The following CASS4 variants were observed in gnomAD, a reference collection of about 807,000 sequenced individuals.
CASS4 encodes Cas scaffold protein family member 4.
Under a neutral mutation model 54.2 loss-of-function variants are expected in CASS4, and 22 were observed. That is an observed-to-expected ratio of 0.41 (90% CI 0.29 to 0.58). The LOEUF (loss-of-function observed/expected upper bound fraction) is 0.58. CASS4 is among the 20% of genes least tolerant of loss of function. The pLI, the probability that CASS4 is intolerant of heterozygous loss-of-function variation, is 0.36. For missense variants in CASS4, 854 were observed against 986.7 expected (o/e 0.87, Z 1.80); for synonymous variants, 409 against 391.5 (o/e 1.04, Z -0.53).
Position 56,451,850 on chromosome 20 carries a change from C to T in CASS4, c.674C>T (p.Thr225Ile). 2 of 1,613,664 alleles carry T rather than the reference C, an allele frequency of 1.2e-6. No individual in the cohort carries two copies. The highest frequency in any genetic ancestry group is 1.7e-6 in the Non-Finnish European group (2 of 1,179,646). ...GQGVPLISVT[T>I]LRRGGYSTLP... ...GGTGTTCCCCTGATATCAGTGACTA[C>T]CTTAAGAAGAGGCGGTTACAGCACA... Residue 225 changes from threonine (T) to isoleucine (I), a missense_variant, in exon 5 of 6, where the codon ACC (threonine) becomes ATC (isoleucine). By Grantham distance (89) the Thr-to-Ile change is moderately conservative. Transcript: ENST00000679887.
chr20:56,443,207 C>A (rs745667936), intron 2 of CASS4, among the ~76,000 whole-genome samples: 1 of 150,958 alleles, frequency 6.6e-6, no homozygotes, highest in East Asian at 1.9e-4. Context: ...TCTGGCCTGG[C>A]GCGGTGGCTC....
chr20:56,445,463 C>CCAGCCT (rs1980659466), intron 2 of CASS4, among the ~76,000 whole-genome samples: 2 of 152,224 alleles, frequency 1.3e-5, no homozygotes, highest in Non-Finnish European at 2.9e-5. Context: ...GTGCACTTCT[C>CCAGCCT]CAGCCTCAGC....
At chr20:56,421,226 C>T (rs76219345) in intron 1 of CASS4, among the ~76,000 whole-genome samples, 1 of 152,194 alleles carries the variant, frequency 6.6e-6, no homozygotes, top group African/African-American at 2.4e-5. Context: ...ACTGGTGTAT[C>T]TTGATTTGCA....
At chr20:56,458,313 A>G (rs1270356699) in intron 5 of CASS4, 27 bp from the exon 6 acceptor site, 2 of 1,584,058 alleles carry the variant, frequency 1.3e-6, no homozygotes, top group African/African-American at 2.7e-5. Context: ...TGAATCTCCT[A>G]TCTATTTTCT....
intron 3 of CASS4, among the ~76,000 whole-genome samples, chr20:56,446,525 G>A (rs895786433): frequency 7.2e-5 from 11 of 152,086 alleles, no homozygotes; most frequent in Admixed American, 5.2e-4. Context: ...TTATCTCTGG[G>A]GGAAGAAATT....
Position 56,458,486 on chromosome 20 carries a change from G to T in CASS4, c.2100G>T (p.Ala700=). Residue 700 remains alanine (A), a synonymous_variant, in exon 6 of 6, where the codon GCG becomes GCT. Coordinates refer to ENST00000679887, the MANE Select transcript of CASS4 (RefSeq NM_020356.4). The stretch of plus-strand genomic sequence containing the variant: ...GCAGCCTCAGCAGCAGCCAGCCCGC[G>T]GAGATCATCACTCAGAGCAAGCTGG... ...FHGSLSSSQP[A]EIITQSKLVI... 2 of 1,614,134 alleles carry T rather than the reference G, an allele frequency of 1.2e-6. No individual in the cohort carries two copies. The highest frequency in any genetic ancestry group is 2.2e-5 in the South Asian group (2 of 91,084).
At chr20:56,446,299 C>A (rs1980710492) in intron 3 of CASS4, among the ~76,000 whole-genome samples, 1 of 151,998 alleles carries the variant, frequency 6.6e-6, no homozygotes, top group South Asian at 2.1e-4. Flanking sequence ...CTTTGTTGAC[C>A]AGGCTGGTCT....
intron 1 of CASS4, among the ~76,000 whole-genome samples, chr20:56,429,727 C>T (rs561262039): frequency 1.7e-4 from 26 of 152,256 alleles, no homozygotes; most frequent in Admixed American, 1.5e-3. Flanking sequence ...ATCTGACTAA[C>T]TCCTTATCTA....
intron 2 of CASS4, among the ~76,000 whole-genome samples, chr20:56,440,427 G>T (rs148445122): frequency 6.6e-6 from 1 of 152,172 alleles, no homozygotes; most frequent in Non-Finnish European, 1.5e-5. Flanking sequence ...AAACAGATGC[G>T]CTGTCCTCTG....
In CASS4 at chr20:56,412,570, A is replaced by C; in HGVS notation, c.36+76A>C. On this transcript the variant is annotated intron_variant, in intron 1 of 5. Transcript: ENST00000679887. This position sits in a 1 kb window ranked among gnomAD's most constrained non-coding sequence, Gnocchi z 4.2. Reference sequence around the variant, plus strand: ...ATGATTAAGGGTGTTGACCAGCTTTAGTTGTGACTTTCTAATAAAGGTTGA... The same window carrying C: ...ATGATTAAGGGTGTTGACCAGCTTTCGTTGTGACTTTCTAATAAAGGTTGA... The C allele has an allele frequency of 6.9e-7, 1 of 1,458,830 alleles. No individual in the cohort carries two copies. The highest frequency in any genetic ancestry group is 9.4e-7 in the Non-Finnish European group (1 of 1,061,268). The allele number at this position is 1,458,830 out of a possible 1,614,324, so 90.4% of individuals were successfully genotyped here.
At chr20:56,436,337 T>C (rs1371497298) in intron 1 of CASS4, among the ~76,000 whole-genome samples, 1 of 78,814 alleles carries the variant, frequency 1.3e-5, no homozygotes, top group East Asian at 9.7e-4. Flanking sequence ...GCTATATATA[T>C]GTGTGTGTGT....
intron 1 of CASS4, among the ~76,000 whole-genome samples, chr20:56,418,636 A>G (rs1245262924): frequency 6.6e-6 from 1 of 152,196 alleles, no homozygotes; most frequent in East Asian, 1.9e-4. Flanking sequence ...GACACGAAGG[A>G]GAATCGTGTA....
At chr20:56,450,557 A>G in intron 3 of CASS4, 42 bp from the exon 4 acceptor site, 1 of 1,573,822 alleles carries the variant, frequency 6.4e-7, no homozygotes, top group Non-Finnish European at 8.7e-7. Context: ...AGCCATTAGG[A>G]AAGAAACATT....
chr20:56,428,927 C>T (rs994774528), intron 1 of CASS4, among the ~76,000 whole-genome samples: 2 of 143,846 alleles, frequency 1.4e-5, no homozygotes, highest in African/African-American at 5.8e-5. Context: ...CCCCGACCTG[C>T]CCCCCAGCCC....
chr20:56,431,531 G>T (rs1274255876), intron 1 of CASS4, among the ~76,000 whole-genome samples: 2 of 152,178 alleles, frequency 1.3e-5, no homozygotes, highest in African/African-American at 2.4e-5. Context: ...TGAAGATGTG[G>T]TCTGCTGTCC....
chr20:56,449,081 C>A (rs1345864968), intron 3 of CASS4, among the ~76,000 whole-genome samples: 1 of 152,166 alleles, frequency 6.6e-6, no homozygotes, highest in Non-Finnish European at 1.5e-5. Flanking sequence ...ACTAGAAATA[C>A]CATTTGCCCC....
intron 3 of CASS4, among the ~76,000 whole-genome samples, chr20:56,449,665 TAATAA>T (rs1054926209): frequency 2.6e-4 from 40 of 151,502 alleles, no homozygotes; most frequent in Non-Finnish European, 2.4e-4. Context: ...AATAAATAAA[TAATAA>T]AATAAAATAA....
intron 1 of CASS4, among the ~76,000 whole-genome samples, chr20:56,423,815 G>A (rs1023993197): frequency 1.3e-5 from 2 of 152,152 alleles, no homozygotes; most frequent in South Asian, 2.1e-4. Context: ...AAAGTGTTGG[G>A]ATTACAGACA....
intron 2 of CASS4, among the ~76,000 whole-genome samples, chr20:56,445,600 G>C (rs1396563076): frequency 6.6e-6 from 1 of 152,186 alleles, no homozygotes; most frequent in Non-Finnish European, 1.5e-5. Context: ...GACACCCAGA[G>C]ACTCCGTCCA....
Sources: gnomAD v4.1 joint callset for allele counts (sites outside exome capture counted in the v4.1 genomes callset) on GRCh38, gnomAD v4.1.1 for gene constraint, Gnocchi (gnomAD v3.1) non-coding constraint, MANE v1.5 for transcripts, NCBI Gene and HGNC (gene_info 2026-07-23, HGNC 2026-07-21) for gene names.